GPATCH2: variants seen among roughly 807,000 people sequenced by gnomAD.
GPATCH2 encodes G patch domain-containing protein 2.
GPATCH2 carries 51 observed loss-of-function variants against 58.0 expected under a neutral mutation model. That is an observed-to-expected ratio of 0.88 (90% CI 0.70 to 1.11). The LOEUF (loss-of-function observed/expected upper bound fraction) is 1.11, where lower values mean the gene tolerates loss of function less well. Among genes scored for constraint, GPATCH2 ranks in the 50% most tolerant of loss-of-function variants. The pLI is 0.00. For missense variants in GPATCH2, 625 were observed against 652.2 expected (o/e 0.96, Z 0.45); for synonymous variants, 222 against 218.5 (o/e 1.02, Z -0.14).
intron 5 of GPATCH2, among the ~76,000 whole-genome samples, chr1:217,601,115 T>C (rs1257855246): frequency 1.3e-5 from 2 of 152,136 alleles, no homozygotes; most frequent in African/African-American, 2.4e-5. Flanking sequence ...TACTGCATAA[T>C]ATTTAAGTAG....
intron 5 of GPATCH2, among the ~76,000 whole-genome samples, chr1:217,524,532 C>T (rs986575442): frequency 1.3e-5 from 2 of 151,704 alleles, no homozygotes; most frequent in Non-Finnish European, 2.9e-5. Flanking sequence ...GATGTTGTAG[C>T]GAGCTGAGAT....
intron 8 of GPATCH2, among the ~76,000 whole-genome samples, chr1:217,486,717 A>T (rs1431780957): frequency 6.6e-6 from 1 of 152,220 alleles, no homozygotes; most frequent in Non-Finnish European, 1.5e-5. Context: ...TGTGGAAAGC[A>T]ACTGGGGTTG....
chr1:217,523,039 AT>A (rs1225382474), intron 5 of GPATCH2, among the ~76,000 whole-genome samples: 1 of 151,854 alleles, frequency 6.6e-6, no homozygotes, highest in Non-Finnish European at 1.5e-5. Flanking sequence ...AAATTTCTAT[AT>A]TATTGCTCCT....
chr1:217,622,370 T>C (rs1040920864), intron 1 of GPATCH2, among the ~76,000 whole-genome samples: 1 of 152,218 alleles, frequency 6.6e-6, no homozygotes, highest in African/African-American at 2.4e-5. Flanking sequence ...TTAATGTGAA[T>C]TTGTATTTTC....
At chr1:217,543,463 G>A (rs945150708) in intron 5 of GPATCH2, among the ~76,000 whole-genome samples, 6 of 151,886 alleles carry the variant, frequency 4.0e-5, no homozygotes, top group Admixed American at 1.3e-4. Flanking sequence ...TAGAGACGGG[G>A]TTTCAACGTG....
At chr1:217,528,788 G>C (rs1390363740) in intron 5 of GPATCH2, among the ~76,000 whole-genome samples, 1 of 152,204 alleles carries the variant, frequency 6.6e-6, no homozygotes. Flanking sequence ...CCCAAGGTCT[G>C]AGTGTGAGAC....
At chr1:217,566,101 C>CA (rs59608962) in intron 5 of GPATCH2, among the ~76,000 whole-genome samples, 2,550 of 47,098 alleles carry the variant, frequency 0.054, 237 homozygotes, top group African/African-American at 0.077. Context: ...AACTCCGTCT[C>CA]AAAAAAAAAA....
At chr1:217,474,793 A>G (rs1660898403) in intron 8 of GPATCH2, among the ~76,000 whole-genome samples, 3 of 152,168 alleles carry the variant, frequency 2.0e-5, no homozygotes, top group Admixed American at 2.0e-4. Context: ...TTAATGCATT[A>G]TAGTTCTCTT....
intron 8 of GPATCH2, among the ~76,000 whole-genome samples, chr1:217,453,939 G>C (rs115925313): frequency 0.018 from 2,698 of 152,226 alleles, 53 homozygotes; most frequent in South Asian, 0.036. Flanking sequence ...ACAAACAGAC[G>C]TGACTATGGG....
At chr1:217,611,429 A>C (rs1179740671) in intron 3 of GPATCH2, among the ~76,000 whole-genome samples, 2 of 152,210 alleles carry the variant, frequency 1.3e-5, no homozygotes, top group Non-Finnish European at 2.9e-5. Context: ...AAGAACTGCC[A>C]GCAACAAAAA....
intron 9 of GPATCH2, among the ~76,000 whole-genome samples, chr1:217,435,472 C>T (rs1457430528): frequency 2.6e-5 from 4 of 152,326 alleles, no homozygotes; most frequent in African/African-American, 9.6e-5. Context: ...AGTAATTTGG[C>T]TCCTAAAGTG....
chr1:217,544,334 A>G (rs1321401300), intron 5 of GPATCH2, among the ~76,000 whole-genome samples: 1 of 152,232 alleles, frequency 6.6e-6, no homozygotes, highest in Non-Finnish European at 1.5e-5. Flanking sequence ...CGGAGGTTGC[A>G]GTGAGCCAAG....
chr1:217,565,737 C>T (rs560220103), intron 5 of GPATCH2, among the ~76,000 whole-genome samples: 5 of 146,430 alleles, frequency 3.4e-5, no homozygotes, highest in East Asian at 4.3e-4. Flanking sequence ...TGAAACTTAA[C>T]GTATAAATAA....
chr1:217,578,823 G>A (rs779399627), intron 5 of GPATCH2, among the ~76,000 whole-genome samples: 3 of 152,154 alleles, frequency 2.0e-5, no homozygotes, highest in Admixed American at 6.5e-5. Flanking sequence ...ATAATCCAAT[G>A]AGTATATCAA....
intron 5 of GPATCH2, among the ~76,000 whole-genome samples, chr1:217,533,074 T>C (rs1236930884): frequency 6.6e-6 from 1 of 151,316 alleles, no homozygotes; most frequent in Non-Finnish European, 1.5e-5. Context: ...GGCTAATTTT[T>C]TTTTTTTTTA....
intron 5 of GPATCH2, among the ~76,000 whole-genome samples, chr1:217,515,966 G>A (rs759609402): frequency 9.2e-5 from 14 of 151,808 alleles, no homozygotes; most frequent in African/African-American, 1.2e-4. Flanking sequence ...TAGTTTCCCC[G>A]AAAAGACAGG....
chr1:217,617,210 G>A (rs1282720870), intron 2 of GPATCH2, among the ~76,000 whole-genome samples: 1 of 152,040 alleles, frequency 6.6e-6, no homozygotes, highest in Non-Finnish European at 1.5e-5. Flanking sequence ...CCACTTTATT[G>A]CCGGTAAAAA....
chr1:217,464,924 C>T (rs942575680), intron 8 of GPATCH2, among the ~76,000 whole-genome samples: 5 of 151,820 alleles, frequency 3.3e-5, no homozygotes, highest in African/African-American at 1.2e-4. Context: ...TCTAGATATG[C>T]CCACAAAAAT....
chr1:217,463,392 T>A (rs1331467685), intron 8 of GPATCH2, among the ~76,000 whole-genome samples: 1 of 152,032 alleles, frequency 6.6e-6, no homozygotes, highest in Non-Finnish European at 1.5e-5. Context: ...GCAGCTGGTA[T>A]ATCGCATTCA....
Sources: gnomAD v4.1 joint callset for allele counts (sites outside exome capture counted in the v4.1 genomes callset) on GRCh38, gnomAD v4.1.1 for gene constraint, MANE v1.5 for transcripts, NCBI Gene and HGNC (gene_info 2026-07-23, HGNC 2026-07-21) for gene names.